SNX8: variants seen among roughly 807,000 people sequenced by gnomAD.
The protein encoded by SNX8 is sorting nexin 8, also known as sorting nexin-8.
A neutral mutation model predicts 51.6 loss-of-function variants in SNX8; 25 were observed. The ratio of observed to expected loss-of-function variants is 0.48; its 90% CI spans 0.35 to 0.68. SNX8 has a LOEUF of 0.68. SNX8 is among the 30% of genes least tolerant of loss of function. SNX8 has a pLI of 0.00. For synonymous variants in SNX8, 324 were observed against 277.0 expected, an observed-to-expected ratio of 1.17 and a Z score of -1.68; for missense variants, 695 against 624.0, an observed-to-expected ratio of 1.11 and a Z score of -1.21.
chr7:2,353,147 G>T (rs1212303107), intron 1 of SNX8, among the ~76,000 whole-genome samples: 1 of 152,020 alleles, frequency 6.6e-6, no homozygotes, highest in African/African-American at 2.4e-5. Context: ...AAATTAGCTG[G>T]GCACGGTGGC....
chr7:2,329,584 C>T (rs976718288), intron 1 of SNX8, among the ~76,000 whole-genome samples: 2 of 152,162 alleles, frequency 1.3e-5, no homozygotes, highest in Non-Finnish European at 2.9e-5. Context: ...GGACTCTAAC[C>T]TTCCCCCACC....
chr7:2,277,952 C>G, intron 2 of SNX8, 148 bp downstream of exon 2: 2 of 1,319,578 alleles, frequency 1.5e-6, no homozygotes, highest in Non-Finnish European at 1.0e-6. Context: ...CAGCCTGACT[C>G]TGCTGCGAGT....
chr7:2,257,690 A>T, intron 8 of SNX8, 45 bp downstream of exon 8: 1 of 1,590,232 alleles, frequency 6.3e-7, no homozygotes. Context: ...TCCTAAGATC[A>T]TTCCTGAAAG....
intron 1 of SNX8, among the ~76,000 whole-genome samples, chr7:2,319,569 A>G (rs1166417079): frequency 6.6e-6 from 1 of 152,106 alleles, no homozygotes; most frequent in African/African-American, 2.4e-5. Context: ...TAATCCCAGC[A>G]CCTTGGGAGG....
At chr7:2,278,073 C>T in intron 2 of SNX8, 27 bp downstream of exon 2, 1 of 1,607,118 alleles carries the variant, frequency 6.2e-7, no homozygotes, top group Non-Finnish European at 8.5e-7. Context: ...CCCTCCTGCC[C>T]CGACACACAC....
chr7:2,259,716 C>T (rs778785294), intron 7 of SNX8, among the ~76,000 whole-genome samples: 34 of 152,182 alleles, frequency 2.2e-4, no homozygotes, highest in Admixed American at 6.5e-4. Flanking sequence ...AGAGAAAACG[C>T]CAGCTGACCG....
chr7:2,294,744 A>C (rs922082686), intron 1 of SNX8, among the ~76,000 whole-genome samples: 1 of 152,334 alleles, frequency 6.6e-6, no homozygotes, highest in Non-Finnish European at 1.5e-5. Flanking sequence ...CCCTGCTCTA[A>C]AATGAGGCCA....
intron 1 of SNX8, among the ~76,000 whole-genome samples, chr7:2,286,798 G>A (rs1303635169): frequency 1.3e-5 from 2 of 152,014 alleles, no homozygotes; most frequent in East Asian, 1.9e-4. Flanking sequence ...TTACAGGCAT[G>A]AGCCACCGCA....
At chr7:2,321,658 C>T (rs1320818106) in intron 1 of SNX8, among the ~76,000 whole-genome samples, 1 of 151,058 alleles carries the variant, frequency 6.6e-6, no homozygotes, top group Non-Finnish European at 1.5e-5. Flanking sequence ...TTGTGATCCG[C>T]CCTCCTCGGC....
At chr7:2,268,155 G>T (rs1795528247) in intron 5 of SNX8, among the ~76,000 whole-genome samples, 1 of 142,072 alleles carries the variant, frequency 7.0e-6, no homozygotes, top group Admixed American at 7.0e-5. Context: ...CCCCATCCGG[G>T]AGGGAGGTGG....
Position 2,346,950 on chromosome 7 carries a change from G to A in SNX8, c.-66+7272C>T, listed in dbSNP as rs1008278597. ...AAAAAAAAAAAAAAAAAGAAAAAAG[G>A]AATAGGGAAATAGGGAGCATCTGAT... On this transcript the variant is annotated intron_variant, in intron 1 of 5. Coordinates refer to the SNX8 transcript ENST00000435336. Among the ~76,000 whole-genome samples, 4 of 150,822 alleles carry A rather than the reference G, an allele frequency of 2.7e-5. No individual in the cohort carries two copies. The Admixed American group carries it at 2.7e-4, about 10-fold the overall frequency.
At chr7:2,266,611 C>T (rs949874281) in intron 5 of SNX8, among the ~76,000 whole-genome samples, 2 of 152,196 alleles carry the variant, frequency 1.3e-5, no homozygotes, top group Non-Finnish European at 2.9e-5. Flanking sequence ...TCCCAAAGTG[C>T]TAGGATTACA....
intron 1 of SNX8, among the ~76,000 whole-genome samples, chr7:2,313,524 A>T (rs1232023422): frequency 1.5e-5 from 1 of 68,790 alleles, no homozygotes; most frequent in African/African-American, 6.2e-5. Flanking sequence ...AATCTGTCTC[A>T]AAAAAAAAAA....
intron 1 of SNX8, among the ~76,000 whole-genome samples, chr7:2,319,916 G>C (rs1346298744): frequency 1.3e-5 from 2 of 150,924 alleles, no homozygotes; most frequent in African/African-American, 4.9e-5. Flanking sequence ...GGAGGCAGAG[G>C]TTGCAGTGAG....
At chr7:2,271,026 CAGG>C (rs1795632391) in intron 4 of SNX8, among the ~76,000 whole-genome samples, 1 of 152,328 alleles carries the variant, frequency 6.6e-6, no homozygotes, top group African/African-American at 2.4e-5. Flanking sequence ...CTCCAGGAAA[CAGG>C]AGCTGGGCTG....
chr7:2,286,247 G>C (rs932915360), intron 1 of SNX8, among the ~76,000 whole-genome samples: 1 of 150,726 alleles, frequency 6.6e-6, no homozygotes, highest in African/African-American at 2.4e-5. Flanking sequence ...CCTGAACTCA[G>C]GTGATCCGCC....
rs978912697 is a variant in SNX8 at position 2,254,699 on chromosome 7, C to T, written c.*357G>A. On this transcript the variant is annotated 3_prime_UTR_variant, in exon 11 of 11. Coordinates refer to ENST00000222990, the MANE Select transcript of SNX8 (RefSeq NM_013321.4). ...CCGAGCACCATGATGCTGCCCCTCC[C>T]GACTGTTCCAGCACCTGGAGGCCCT... 1 of 322,366 alleles carries T rather than the reference C, an allele frequency of 3.1e-6. No individual in the cohort carries two copies. The highest frequency in any genetic ancestry group is 5.9e-6 in the Non-Finnish European group (1 of 170,378). The allele number at this position is 322,366 out of a possible 1,614,324, so 20.0% of individuals were successfully genotyped here.
chr7:2,342,833 A>AT (rs1262846648), intron 1 of SNX8, among the ~76,000 whole-genome samples: 2 of 150,726 alleles, frequency 1.3e-5, no homozygotes, highest in African/African-American at 2.4e-5. Flanking sequence ...TTTATTTTTT[A>AT]TTTTTTTGAG....
intron 5 of SNX8, among the ~76,000 whole-genome samples, chr7:2,266,182 G>T (rs558852132): frequency 3.2e-4 from 48 of 152,028 alleles, no homozygotes; most frequent in South Asian, 2.1e-4. Context: ...TGGTTTTTTT[G>T]TTGTTGTTGT....
Sources: allele counts gnomAD v4.1 joint callset (sites outside exome capture counted in the v4.1 genomes callset), GRCh38; gene constraint gnomAD v4.1.1; transcripts MANE v1.5; gene names NCBI Gene and HGNC (gene_info 2026-07-23, HGNC 2026-07-21).